METTL16: variants seen among roughly 807,000 people sequenced by gnomAD.
METTL16 encodes the protein RNA N(6)-adenosine-methyltransferase METTL16.
In METTL16, 19 loss-of-function variants were observed where a neutral mutation model predicts 57.9. That is an observed-to-expected ratio of 0.33 (90% confidence interval 0.23 to 0.48). The LOEUF is 0.48. Ranked by LOEUF, METTL16 falls within the 20% of genes least tolerant of loss-of-function variation. METTL16 has a pLI of 0.99. For synonymous variants in METTL16, 246 were observed against 255.6 expected (o/e 0.96, Z 0.36); for missense variants, 434 against 691.5 (o/e 0.63, Z 4.18).
At chr17:2,438,086 A>G (rs2066921585) in intron 8 of METTL16, 23 bp downstream of exon 8, 1 of 1,561,030 alleles carries the variant, frequency 6.4e-7, no homozygotes, top group Non-Finnish European at 8.8e-7. Flanking sequence ...CAGGTGGTGA[A>G]GCGGAGCAAG....
rs915906976 is a variant in METTL16 at position 2,477,979 on chromosome 17, G to A, written c.129-94C>T. On this transcript the variant is annotated intron_variant, in intron 2 of 9. Coordinates refer to ENST00000263092, the MANE Select transcript of METTL16 (RefSeq NM_024086.4). Reference sequence around the variant, plus strand: ...AACAGGCAGAACCAAATACCCATCCGAACCTCCCAGGGAGATCACACACAG... The same window carrying A: ...AACAGGCAGAACCAAATACCCATCCAAACCTCCCAGGGAGATCACACACAG... 8.2e-5 allele frequency: 81 copies of A among 984,432 alleles called. 1 individual carries two copies. The highest frequency in any genetic ancestry group is 1.2e-4 in the Non-Finnish European group (77 of 639,778). The allele number at this position is 984,432 out of a possible 1,614,324, so 61.0% of individuals were successfully genotyped here. A position where few individuals can be genotyped will look rare whatever the true frequency, so the allele number is the denominator to read the frequency against.
intron 2 of METTL16, among the ~76,000 whole-genome samples, chr17:2,500,891 C>T (rs867894226): frequency 9.9e-5 from 15 of 151,976 alleles, no homozygotes; most frequent in Admixed American, 2.6e-4. Flanking sequence ...CCAAGGCGGG[C>T]GGATCACCTG....
At chr17:2,505,922 C>T (rs2067529428) in intron 1 of METTL16, among the ~76,000 whole-genome samples, 1 of 152,080 alleles carries the variant, frequency 6.6e-6, no homozygotes, top group Non-Finnish European at 1.5e-5. Flanking sequence ...AAGTCACATG[C>T]CCTTGCTCTT....
intron 1 of METTL16, among the ~76,000 whole-genome samples, chr17:2,504,736 TTTTAA>T (rs2067517337): frequency 6.6e-6 from 1 of 152,108 alleles, no homozygotes; most frequent in Admixed American, 6.6e-5. Flanking sequence ...GCTAATTTAT[TTTTAA>T]TTTTATTTTT....
intron 8 of METTL16, 107 bp from the exon 9 acceptor site, chr17:2,421,011 C>A: frequency 8.2e-7 from 1 of 1,226,404 alleles, no homozygotes; most frequent in Non-Finnish European, 1.2e-6. Context: ...TGCTACCAAT[C>A]ATAGAGCACT....
chr17:2,431,273 T>C (rs1279246414), intron 8 of METTL16, among the ~76,000 whole-genome samples: 1 of 152,184 alleles, frequency 6.6e-6, no homozygotes, highest in African/African-American at 2.4e-5. Flanking sequence ...GTGTATGGGA[T>C]TCATTCATAT....
intron 2 of METTL16, among the ~76,000 whole-genome samples, chr17:2,500,518 G>A (rs2067479669): frequency 6.6e-6 from 1 of 152,064 alleles, no homozygotes; most frequent in South Asian, 2.1e-4. Context: ...CTGACCTCAA[G>A]TGATCCGCCC....
intron 2 of METTL16, among the ~76,000 whole-genome samples, chr17:2,486,232 GA>G (rs2151572864): frequency 5.6e-5 from 1 of 18,004 alleles, no homozygotes; most frequent in South Asian, 1.1e-3. Flanking sequence ...GAAACTTTCT[GA>G]AAGTGAAAGA....
At position 2,446,858 on chromosome 17, in the gene METTL16, C is replaced by T. The variant is rs572252355; in HGVS notation, c.729-5299G>A. On this transcript the variant is annotated intron_variant, in intron 6 of 9. Transcript: ENST00000263092. ...TCGGCCTCCCGGGGTGCCGGGATTG[C>T]GGATGGAGTCTCGTTCACTCAGTGC... is the stretch of plus-strand genomic sequence containing the variant. Among the ~76,000 whole-genome samples, 21 of 152,198 alleles carry T rather than the reference C, an allele frequency of 1.4e-4. No individual in the cohort carries two copies. In the South Asian group the frequency reaches 3.5e-3, roughly 26 times the overall value.
At chr17:2,497,707 A>G (rs1239677258) in intron 2 of METTL16, among the ~76,000 whole-genome samples, 2 of 151,478 alleles carry the variant, frequency 1.3e-5, no homozygotes, top group Non-Finnish European at 2.9e-5. Flanking sequence ...GTAAAAACAC[A>G]TCTGTTAGGT....
intron 6 of METTL16, among the ~76,000 whole-genome samples, chr17:2,463,834 T>C (rs139030940): frequency 3.9e-5 from 6 of 151,922 alleles, no homozygotes; most frequent in Non-Finnish European, 8.8e-5. Flanking sequence ...GTTTTAGAAC[T>C]ACACAGGGGA....
rs1176318577 is a variant in METTL16, at chr17:2,417,775, G to A, written c.*2195C>T. ...TTATGTTACAGAAGGTTGGGACTCGGGGTGATTTTGTTGTTTTGACTTTCA... is the reference window on the plus strand; with the variant it reads ...TTATGTTACAGAAGGTTGGGACTCGAGGTGATTTTGTTGTTTTGACTTTCA... On this transcript the variant is annotated 3_prime_UTR_variant, in exon 10 of 10. Coordinates refer to ENST00000263092, the MANE Select transcript of METTL16 (RefSeq NM_024086.4). 1.3e-5 allele frequency: 2 copies of A among 152,166 alleles called. No homozygotes were observed. The highest frequency in any genetic ancestry group is 2.9e-5 in the Non-Finnish European group (2 of 68,034). The allele number at this position is 152,166 out of a possible 1,614,324, so 9.4% of individuals were successfully genotyped here.
intron 4 of METTL16, among the ~76,000 whole-genome samples, chr17:2,472,033 G>C (rs1279746499): frequency 6.6e-6 from 1 of 151,674 alleles, no homozygotes; most frequent in East Asian, 1.9e-4. Flanking sequence ...AGAATTGCTT[G>C]AACCCAGGAG....
At chr17:2,441,430 T>C in intron 7 of METTL16, 60 bp downstream of exon 7, 1 of 1,262,050 alleles carries the variant, frequency 7.9e-7, no homozygotes, top group Middle Eastern at 1.9e-4. Context: ...AAAACTGTAC[T>C]TGTGCCCCAT....
At chr17:2,438,000 T>G (rs146015429) in intron 8 of METTL16, 109 bp downstream of exon 8, 1 of 817,156 alleles carries the variant, frequency 1.2e-6, no homozygotes, top group East Asian at 2.6e-5. Flanking sequence ...ACATAAGCAT[T>G]TGGGACAAAC....
chr17:2,498,364 A>G (rs563678802), intron 2 of METTL16, among the ~76,000 whole-genome samples: 1 of 151,528 alleles, frequency 6.6e-6, no homozygotes, highest in South Asian at 2.1e-4. Flanking sequence ...GTGAGCCGAG[A>G]CAGCGCCACT....
intron 2 of METTL16, among the ~76,000 whole-genome samples, chr17:2,493,850 C>T (rs2067420425): frequency 6.6e-6 from 1 of 152,034 alleles, no homozygotes; most frequent in South Asian, 2.1e-4. Flanking sequence ...AAGGTAGACT[C>T]TCCTATGTCT....
At chr17:2,505,395 A>G (rs1053006658) in intron 1 of METTL16, among the ~76,000 whole-genome samples, 1 of 50,590 alleles carries the variant, frequency 2.0e-5, no homozygotes, top group East Asian at 5.1e-4. Context: ...GCCCAGAGGC[A>G]TTTTTTTTTT....
intron 8 of METTL16, among the ~76,000 whole-genome samples, chr17:2,436,136 T>C (rs1459100347): frequency 6.6e-6 from 1 of 152,168 alleles, no homozygotes; most frequent in African/African-American, 2.4e-5. Flanking sequence ...CAGCTGTTAG[T>C]GTCTCCACGG....
Sources: allele counts gnomAD v4.1 joint callset (sites outside exome capture counted in the v4.1 genomes callset), GRCh38; gene constraint gnomAD v4.1.1; transcripts MANE v1.5; gene names NCBI Gene and HGNC (gene_info 2026-07-23, HGNC 2026-07-21).